Variants in BTG4 observed in about 807,000 individuals in gnomAD.
BTG4 encodes the protein BTG anti-proliferation factor 4.
Under a neutral mutation model 19.3 loss-of-function variants are expected in BTG4, and 10 were observed. The observed-to-expected ratio is 0.52, with a 90% CI of 0.32 to 0.88. The LOEUF (loss-of-function observed/expected upper bound fraction) is 0.88, where lower values mean the gene tolerates loss of function less well. Among genes scored for constraint, BTG4 ranks in the 40% least tolerant of loss-of-function variants. The pLI, the probability that BTG4 is intolerant of heterozygous loss-of-function variation, is 0.04. For synonymous variants in BTG4, 91 were observed against 95.7 expected, an observed-to-expected ratio of 0.95 and a Z score of 0.29; for missense variants, 238 against 281.9, an observed-to-expected ratio of 0.84 and a Z score of 1.11.
intron 5 of BTG4, among the ~76,000 whole-genome samples, chr11:111,471,547 TC>T (rs1864063237): frequency 6.6e-6 from 1 of 152,170 alleles, no homozygotes; most frequent in South Asian, 2.1e-4. Flanking sequence ...CTCTGATTGT[TC>T]CTTCTCAGTC....
intron 5 of BTG4, among the ~76,000 whole-genome samples, chr11:111,488,077 C>T (rs144437190): frequency 0.01 from 1,566 of 152,190 alleles, 17 homozygotes; most frequent in African/African-American, 0.035. Context: ...ATACCAATGA[C>T]ATTCTTCACA....
At chr11:111,459,999 T>C in the BTG4 span, among the ~76,000 whole-genome samples, 1 of 152,168 alleles carries the variant, frequency 6.6e-6, no homozygotes, top group South Asian at 2.1e-4. Flanking sequence ...CCCTAGATTA[T>C]TGGGTCCTTT....
At chr11:111,409,141 A>G in the BTG4 span, among the ~76,000 whole-genome samples, 1 of 152,210 alleles carries the variant, frequency 6.6e-6, no homozygotes, top group Non-Finnish European at 1.5e-5. Flanking sequence ...CTGACTGCAT[A>G]TATTTCCTCT....
the BTG4 span, among the ~76,000 whole-genome samples, chr11:111,403,623 C>T: frequency 1.3e-5 from 2 of 152,176 alleles, no homozygotes; most frequent in African/African-American, 2.4e-5. Context: ...CACTCCCTTG[C>T]CCCCTGCAAA....
chr11:111,473,098 C>T (rs926329128), intron 5 of BTG4, among the ~76,000 whole-genome samples: 1 of 151,418 alleles, frequency 6.6e-6, no homozygotes, highest in African/African-American at 2.4e-5. Flanking sequence ...AAAAAAACAC[C>T]AAACTTGCCT....
At chr11:111,491,822 T>C (rs565200120), downstream of BTG4, among the ~76,000 whole-genome samples, 10 of 151,910 alleles carry the variant, frequency 6.6e-5, no homozygotes, top group Non-Finnish European at 1.3e-4. Flanking sequence ...AAATGTAGAT[T>C]AGGAAGATCT....
chr11:111,473,817 A>G (rs1375896563), intron 5 of BTG4, among the ~76,000 whole-genome samples: 1 of 152,168 alleles, frequency 6.6e-6, no homozygotes, highest in African/African-American at 2.4e-5. Flanking sequence ...CCATTCATCA[A>G]GCTGGAGGAG....
chr11:111,462,212 C>T, the BTG4 span: 2 of 152,368 alleles, frequency 1.3e-5, no homozygotes, highest in Non-Finnish European at 2.9e-5. Flanking sequence ...CCCTAAGTAT[C>T]TAAGCAGGAC....
At chr11:111,426,976 G>A in the BTG4 span, among the ~76,000 whole-genome samples, 1 of 152,166 alleles carries the variant, frequency 6.6e-6, no homozygotes, top group Non-Finnish European at 1.5e-5. Flanking sequence ...CACCACTGAA[G>A]TCACAAAGAC....
At chr11:111,411,933 C>T in the BTG4 span, among the ~76,000 whole-genome samples, 2 of 152,172 alleles carry the variant, frequency 1.3e-5, no homozygotes, top group Non-Finnish European at 2.9e-5. Context: ...ACATGAGAAC[C>T]CCAGAAGGTC....
chr11:111,490,932 C>T (rs563365065), downstream of BTG4, among the ~76,000 whole-genome samples: 1 of 152,350 alleles, frequency 6.6e-6, no homozygotes, highest in South Asian at 2.1e-4. Context: ...ATTGTCTACA[C>T]AAATGTTTGT....
chr11:111,424,778 T>C, the BTG4 span, among the ~76,000 whole-genome samples: 1 of 152,102 alleles, frequency 6.6e-6, no homozygotes. Flanking sequence ...ACCAATATGG[T>C]GAAACCCCGT....
the BTG4 span, chr11:111,417,876 C>G: frequency 0.9 from 137,116 of 152,100 alleles, 62,476 homozygotes; most frequent in East Asian, 1. Flanking sequence ...GGCATGGCGT[C>G]TATTTTATAA....
downstream of BTG4, among the ~76,000 whole-genome samples, chr11:111,465,131 G>C (rs562821582): frequency 2.0e-5 from 3 of 152,300 alleles, no homozygotes; most frequent in Admixed American, 2.0e-4. Flanking sequence ...GAAGTCAAGA[G>C]AGCACGTGGC....
At chr11:111,448,791 A>G in the BTG4 span, 2 of 152,318 alleles carry the variant, frequency 1.3e-5, no homozygotes, top group African/African-American at 2.4e-5. Flanking sequence ...TGACTTGGGG[A>G]TAGGGTTGCC....
At chr11:111,440,342 T>C in the BTG4 span, among the ~76,000 whole-genome samples, 11 of 152,166 alleles carry the variant, frequency 7.2e-5, no homozygotes, top group Admixed American at 7.2e-4. Flanking sequence ...AGAAAAGAAA[T>C]TGCAACATCT....
At chr11:111,483,743 G>C (rs1296016981) in intron 5 of BTG4, among the ~76,000 whole-genome samples, 2 of 152,032 alleles carry the variant, frequency 1.3e-5, no homozygotes, top group Non-Finnish European at 2.9e-5. Context: ...CCTCAAAACA[G>C]CAAATCTAAG....
the BTG4 span, among the ~76,000 whole-genome samples, chr11:111,435,895 A>T: frequency 6.6e-6 from 1 of 152,136 alleles, no homozygotes; most frequent in Non-Finnish European, 1.5e-5. Context: ...TTATGCTCAC[A>T]AGCCCCACAA....
chr11:111,397,972 T>G, the BTG4 span: 4 of 152,312 alleles, frequency 2.6e-5, no homozygotes, highest in East Asian at 7.7e-4. Flanking sequence ...AATAAAATCA[T>G]TAACTTCCCC....
Sources: gnomAD v4.1 joint callset for allele counts (sites outside exome capture counted in the v4.1 genomes callset) on GRCh38, gnomAD v4.1.1 for gene constraint, MANE v1.5 for transcripts, NCBI Gene and HGNC (gene_info 2026-07-23, HGNC 2026-07-21) for gene names.